ZFHX4: variants seen among roughly 807,000 people sequenced by gnomAD.
ZFHX4 encodes the protein zinc finger homeobox 4.
In ZFHX4, 56 loss-of-function variants were observed where a neutral mutation model predicts 267.6. The ratio of observed to expected loss-of-function variants is 0.21; its 90% CI spans 0.17 to 0.26. The LOEUF (loss-of-function observed/expected upper bound fraction) is 0.26, where lower values mean the gene tolerates loss of function less well. Among genes scored for constraint, ZFHX4 ranks in the 10% least tolerant of loss-of-function variants. The pLI is 1.00. For synonymous variants in ZFHX4, 1,778 were observed against 1,665.6 expected (o/e 1.07, Z -1.64); for missense variants, 4,332 against 4,420.0 (o/e 0.98, Z 0.56).
intron 4 of ZFHX4, among the ~76,000 whole-genome samples, chr8:76,808,924 C>T (rs1563534629): frequency 6.6e-6 from 1 of 151,822 alleles, no homozygotes; most frequent in Non-Finnish European, 1.5e-5. Flanking sequence ...CTCTCTCTCT[C>T]TCTCTCTCTC....
chr8:76,755,118 G>T (rs1209823361), intron 3 of ZFHX4, among the ~76,000 whole-genome samples: 2 of 152,200 alleles, frequency 1.3e-5, no homozygotes, highest in East Asian at 3.9e-4. Context: ...TTAACTAATA[G>T]GTCAAACTTT....
At chr8:76,834,235 C>G (rs958242824) in intron 5 of ZFHX4, 1 of 362,154 alleles carries the variant, frequency 2.8e-6, no homozygotes, top group East Asian at 7.5e-5. Flanking sequence ...ATTTTCAACT[C>G]CCTTTGATAA....
At chr8:76,736,261 C>CTGTTAAGT (rs1253774857) in intron 3 of ZFHX4, among the ~76,000 whole-genome samples, 11 of 151,210 alleles carry the variant, frequency 7.3e-5, no homozygotes, top group African/African-American at 2.7e-4. Flanking sequence ...AATGGATAAG[C>CTGTTAAGT]TGTTAAGTCA....
At chr8:76,759,027 C>A (rs1809839374) in intron 3 of ZFHX4, among the ~76,000 whole-genome samples, 1 of 152,118 alleles carries the variant, frequency 6.6e-6, no homozygotes, top group Admixed American at 6.6e-5. Flanking sequence ...AAAATAAAAT[C>A]ATTTCCAAAA....
intron 5 of ZFHX4, among the ~76,000 whole-genome samples, chr8:76,834,675 C>A (rs551120101): frequency 6.6e-6 from 1 of 152,152 alleles, no homozygotes; most frequent in South Asian, 2.1e-4. Context: ...TTTTCCAAAT[C>A]TTTCCTTCCT....
chr8:76,687,488 A>G (rs898105927), intron 1 of ZFHX4, among the ~76,000 whole-genome samples: 1 of 152,258 alleles, frequency 6.6e-6, no homozygotes, highest in Admixed American at 6.5e-5. Context: ...TTCTTTCATA[A>G]TTTGTTTCTG....
chr8:76,704,491 C>A lies in ZFHX4; in HGVS notation c.403C>A (p.Pro135Thr), dbSNP rs747575117. ...TCTAACAGGGGAGATCGTTTACCAGCCTGATGGGTCAGCATATATAATTGA... is the reference window on the plus strand; with the variant it reads ...TCTAACAGGGGAGATCGTTTACCAGACTGATGGGTCAGCATATATAATTGA... ...ENLTGEIVYQ[P>T]DGSAYIIEDS... Residue 135 changes from proline to threonine, a missense_variant, in exon 2 of 11, where the codon CCT becomes ACT. Transcript: ENST00000651372. 6.2e-7 allele frequency: 1 copy of A among 1,613,926 alleles called. No individual in the cohort carries two copies. The highest frequency in any genetic ancestry group is 2.2e-5 in the East Asian group (1 of 44,882).
At chr8:76,800,417 GAACTGAAAGGTTCATTAC>G (rs891913053) in intron 4 of ZFHX4, among the ~76,000 whole-genome samples, 2 of 152,116 alleles carry the variant, frequency 1.3e-5, no homozygotes, top group Admixed American at 1.3e-4. Flanking sequence ...CCTCAGGAGC[GAACTGAAAGGTTCATTAC>G]AAAATCGGTT....
chr8:76,770,694 A>G (rs1388234381), intron 3 of ZFHX4, among the ~76,000 whole-genome samples: 3 of 152,168 alleles, frequency 2.0e-5, no homozygotes, highest in African/African-American at 7.2e-5. Context: ...AACAAGGAAA[A>G]AAATGTCATA....
chr8:76,716,385 A>G (rs1808575076), intron 3 of ZFHX4, among the ~76,000 whole-genome samples: 1 of 152,200 alleles, frequency 6.6e-6, no homozygotes. Context: ...TTCTTTGTGT[A>G]CATTACTTCA....
rs1007647186 is a variant in ZFHX4 at position 76,681,425 on chromosome 8, G to T, written c.-242G>T. ...ATGCTTTAACTCCTCCCGGACCCCCGAGGACCGCTCCATGCCCCCCACTTT... is the reference window on the plus strand; with the variant it reads ...ATGCTTTAACTCCTCCCGGACCCCCTAGGACCGCTCCATGCCCCCCACTTT... On this transcript the variant is annotated 5_prime_UTR_variant, in exon 1 of 11. Coordinates refer to ENST00000651372, the MANE Select transcript of ZFHX4 (RefSeq NM_024721.5). The T allele has an allele frequency of 5.0e-5, 20 of 397,954 alleles. No individual in the cohort carries two copies. Among genetic ancestry groups the T allele is most frequent in the African/African-American group, 3.9e-4 (19 of 48,220 alleles). 24.7% of individuals were successfully genotyped at this position (397,954 alleles called of 1,614,324 possible).
intron 8 of ZFHX4, chr8:76,850,029 A>T: frequency 1.7e-6 from 1 of 579,046 alleles, no homozygotes; most frequent in Non-Finnish European, 3.0e-6. Flanking sequence ...AAATAAACCT[A>T]CAGGAACCTT....
chr8:76,818,207 GT>G (rs369012190), intron 4 of ZFHX4, among the ~76,000 whole-genome samples: 179 of 152,164 alleles, frequency 1.2e-3, no homozygotes, highest in African/African-American at 4.2e-3. Context: ...ATGAAATAAG[GT>G]TTTATTTATT....
At position 76,851,988 on chromosome 8, in the gene ZFHX4, G is replaced by T. The variant is rs1358725439; in HGVS notation, c.5067G>T (p.Gln1689His). The stretch of plus-strand genomic sequence containing the variant: ...CTCAACCTGCACATCACCCACCACA[G>T]TCACCAGCACAAATTCAGATGCAAC... ...ISAQPAHHPP[Q>H]SPAQIQMQLQ... Residue 1689 changes from glutamine (Q) to histidine (H), a missense_variant, in exon 10 of 11, where the codon CAG (glutamine) becomes CAT (histidine). By Grantham distance (24) the Gln-to-His change is conservative. This residue lies in a region of ZFHX4 where 1,371 missense variants were observed against 1,423.1 expected (regional missense o/e 0.96). Transcript: ENST00000651372. 1 of 1,613,938 alleles carries T rather than the reference G, an allele frequency of 6.2e-7. No homozygotes were observed. Among genetic ancestry groups the T allele is most frequent in the Admixed American group, 1.7e-5 (1 of 60,004 alleles).
Position 76,866,852 on chromosome 8 carries a change from A to G in ZFHX4, c.*2287A>G, listed in dbSNP as rs1813047538. 6.6e-6 allele frequency: 1 copy of G among 152,642 alleles called. No homozygotes were observed. The highest frequency in any genetic ancestry group is 2.1e-4 in the South Asian group (1 of 4,838). The allele number at this position is 152,642 out of a possible 1,614,324, so 9.5% of individuals were successfully genotyped here. A position where few individuals can be genotyped will look rare whatever the true frequency, so the allele number is the denominator to read the frequency against. ...GATGGACGTTGTTAGGGTGAGAAATAAAAGGACAGCCTCCAAAGGTTGAGA... is the reference window on the plus strand; with the variant it reads ...GATGGACGTTGTTAGGGTGAGAAATGAAAGGACAGCCTCCAAAGGTTGAGA... On this transcript the variant is annotated 3_prime_UTR_variant, in exon 11 of 11. Coordinates refer to ENST00000651372, the MANE Select transcript of ZFHX4 (RefSeq NM_024721.5).
chr8:76,691,383 CAT>C (rs1352246935), intron 1 of ZFHX4, among the ~76,000 whole-genome samples: 1 of 151,944 alleles, frequency 6.6e-6, no homozygotes, highest in East Asian at 1.9e-4. Flanking sequence ...TAATCATAAA[CAT>C]GGTGTGAACA....
chr8:76,837,255 C>T (rs968732346), intron 5 of ZFHX4, among the ~76,000 whole-genome samples: 2 of 151,956 alleles, frequency 1.3e-5, no homozygotes, highest in African/African-American at 4.8e-5. Context: ...CTCAGAAAGG[C>T]AGGATGAAAA....
intron 6 of ZFHX4, 45 bp from the exon 7 acceptor site, chr8:76,848,950 A>T (rs751483498): frequency 6.9e-7 from 1 of 1,445,718 alleles, no homozygotes; most frequent in Non-Finnish European, 9.1e-7. Context: ...CTCATTTCGG[A>T]ATTGTGTTTT....
chr8:76,850,180 G>A, intron 8 of ZFHX4, 65 bp from the exon 9 acceptor site: 4 of 1,288,888 alleles, frequency 3.1e-6, no homozygotes, highest in Non-Finnish European at 4.4e-6. Context: ...ACCAGCAAAA[G>A]AGAGATGTGA....
Sources: allele counts gnomAD v4.1 joint callset (sites outside exome capture counted in the v4.1 genomes callset), GRCh38; gene constraint gnomAD v4.1.1; regional missense constraint gnomAD v4.1.1; transcripts MANE v1.5; gene names NCBI Gene and HGNC (gene_info 2026-07-23, HGNC 2026-07-21).